Variants in FAM83F observed in about 807,000 individuals in gnomAD.
FAM83F encodes protein FAM83F.
A neutral mutation model predicts 42.9 loss-of-function variants in FAM83F; 45 were observed. The ratio of observed to expected loss-of-function variants is 1.05; its 90% CI spans 0.83 to 1.35. The LOEUF (loss-of-function observed/expected upper bound fraction) is 1.35, where lower values mean the gene tolerates loss of function less well. Ranked by LOEUF, FAM83F falls within the 40% of genes most tolerant of loss-of-function variation. The pLI, the probability that FAM83F is intolerant of heterozygous loss-of-function variation, is 0.00. For synonymous variants in FAM83F, 306 were observed against 298.3 expected, an observed-to-expected ratio of 1.03 and a Z score of -0.27; for missense variants, 617 against 695.9, an observed-to-expected ratio of 0.89 and a Z score of 1.28.
In FAM83F at chr22:39,995,222, C is replaced by T. The variant is rs1354697621; in HGVS notation, c.180C>T (p.Ser60=). 3 of 1,532,712 alleles carry T rather than the reference C, an allele frequency of 2.0e-6. No individual in the cohort carries two copies. The highest frequency in any genetic ancestry group is 2.6e-6 in the Non-Finnish European group (3 of 1,145,268). 94.9% of individuals were successfully genotyped at this position (1,532,712 alleles called of 1,614,324 possible). A position where few individuals can be genotyped will look rare whatever the true frequency, so the allele number is the denominator to read the frequency against. The part of the protein sequence containing the change: ...LKEEQLRDFL[S]SPERQALRAA... The stretch of plus-strand genomic sequence containing the variant: ...AGGAGCAGCTGCGGGACTTCCTCTC[C>T]AGCCCGGAGCGCCAGGCCCTGCGGG... Residue 60 remains serine, a synonymous_variant, in exon 1 of 5, where the codon TCC becomes TCT. Transcript: ENST00000333407. This position sits in a 1 kb window ranked among gnomAD's most constrained non-coding sequence, Gnocchi z 4.6.
At chr22:39,998,432 A>G (rs1164292070) in intron 1 of FAM83F, among the ~76,000 whole-genome samples, 2 of 151,944 alleles carry the variant, frequency 1.3e-5, no homozygotes, top group African/African-American at 2.4e-5. Flanking sequence ...TGCCGTGCCT[A>G]CAGTCACAGG....
At chr22:40,029,057 T>C (rs367600767) in intron 4 of FAM83F, among the ~76,000 whole-genome samples, 29 of 147,638 alleles carry the variant, frequency 2.0e-4, no homozygotes, top group African/African-American at 7.3e-4. Flanking sequence ...TACTAGCTGG[T>C]AGTGAGCGGC....
At chr22:40,016,353 C>G (rs112074473) in intron 1 of FAM83F, among the ~76,000 whole-genome samples, 9,696 of 152,062 alleles carry the variant, frequency 0.064, 1,017 homozygotes, top group African/African-American at 0.22. Context: ...CAGGCATGTG[C>G]CACCATGCCT....
At position 40,021,326 on chromosome 22, in the gene FAM83F, C is replaced by T. The variant is rs1443005145; in HGVS notation, c.816C>T (p.Leu272=). ...TWSSSHVDRN[L]LLLLTGQNVE... is the part of the protein sequence containing the mutation. ...GTTCCTCCCATGTGGACAGAAACCT[C>T]CTCCTGCTCCTGACAGGACAGAACG... The change falls in exon 4 of 5, where the codon CTC becomes CTT. Residue 272 remains leucine, a synonymous_variant. Transcript: ENST00000333407. This position sits in a 1 kb window ranked among gnomAD's most constrained non-coding sequence, Gnocchi z 8.7. 1.3e-6 allele frequency: 2 copies of T among 1,568,656 alleles called. No homozygotes were observed. The highest frequency in any genetic ancestry group is 4.5e-5 in the East Asian group (2 of 44,132).
intron 1 of FAM83F, among the ~76,000 whole-genome samples, chr22:40,015,286 T>C (rs2067487377): frequency 6.6e-6 from 1 of 152,206 alleles, no homozygotes; most frequent in Non-Finnish European, 1.5e-5. Context: ...TTTCTTCTAC[T>C]AAGGCCTTCA....
At chr22:39,997,838 C>CA (rs2067379189) in intron 1 of FAM83F, 1 of 152,250 alleles carries the variant, frequency 6.6e-6, no homozygotes, top group Admixed American at 6.5e-5. Flanking sequence ...TGTCTGCGCC[C>CA]ACCCAAGTAT....
At chr22:40,012,699 G>A (rs1288809167) in intron 1 of FAM83F, among the ~76,000 whole-genome samples, 1 of 151,550 alleles carries the variant, frequency 6.6e-6, no homozygotes, top group East Asian at 2.0e-4. Context: ...GAACCTGGGA[G>A]TCAGAGGTTG....
chr22:40,020,081 C>G lies in FAM83F; in HGVS notation c.779+73C>G, dbSNP rs7285869. On this transcript the variant is annotated intron_variant, in intron 3 of 4. Coordinates refer to ENST00000333407, the MANE Select transcript of FAM83F (RefSeq NM_138435.4). ...GTAGGTGTTCAGGAAGATGCCAGAC[C>G]GGAGCCTCCGTCATCATGAGTGTGT... is the stretch of plus-strand genomic sequence containing the variant. 54 of 1,536,952 alleles carry G rather than the reference C, an allele frequency of 3.5e-5. 1 individual carries two copies. In the South Asian group the frequency reaches 6.0e-4, roughly 17 times the overall value.
intron 1 of FAM83F, among the ~76,000 whole-genome samples, chr22:40,006,834 G>C (rs1334774910): frequency 1.3e-5 from 2 of 152,158 alleles, no homozygotes; most frequent in African/African-American, 4.8e-5. Flanking sequence ...TCTGCCAAGA[G>C]GGGAACAGTC....
rs1481632402 is a variant in FAM83F, at chr22:40,039,330, C to T, written c.*9765C>T. The T allele has an allele frequency of 6.6e-6, 1 of 152,148 alleles. No individual in the cohort carries two copies. The highest frequency in any genetic ancestry group is 1.5e-5 in the Non-Finnish European group (1 of 68,052). 9.4% of individuals were successfully genotyped at this position (152,148 alleles called of 1,614,324 possible). A position where few individuals can be genotyped will look rare whatever the true frequency, so the allele number is the denominator to read the frequency against. Reference sequence around the variant, plus strand: ...CCATTTTGGCCAGCCTGGTCTTGAACCTCTGACTTCCATGATCCACCTGCC... The same window carrying T: ...CCATTTTGGCCAGCCTGGTCTTGAATCTCTGACTTCCATGATCCACCTGCC... On this transcript the variant is annotated 3_prime_UTR_variant, in exon 5 of 5. Transcript: ENST00000333407.
intron 1 of FAM83F, among the ~76,000 whole-genome samples, chr22:40,003,642 G>A (rs1440906375): frequency 3.9e-5 from 6 of 152,012 alleles, no homozygotes; most frequent in East Asian, 1.9e-4. Context: ...ATGACCAGCC[G>A]GCCTCAGCTG....
chr22:40,027,448 G>A (rs896820692), intron 4 of FAM83F, among the ~76,000 whole-genome samples: 2 of 152,124 alleles, frequency 1.3e-5, no homozygotes, highest in African/African-American at 4.8e-5. Context: ...CCGCTGAGCG[G>A]CCCCTCCTCC....
rs2067656063 is a variant in FAM83F at position 40,042,502 on chromosome 22, C to T, written c.*12937C>T. 6.6e-6 allele frequency: 1 copy of T among 152,226 alleles called. No homozygotes were observed. The highest frequency in any genetic ancestry group is 1.5e-5 in the Non-Finnish European group (1 of 68,056). 9.4% of individuals were successfully genotyped at this position (152,226 alleles called of 1,614,324 possible). A position where few individuals can be genotyped will look rare whatever the true frequency, so the allele number is the denominator to read the frequency against. On this transcript the variant is annotated 3_prime_UTR_variant, in exon 5 of 5. Coordinates refer to ENST00000333407, the MANE Select transcript of FAM83F (RefSeq NM_138435.4). The stretch of plus-strand genomic sequence containing the variant: ...TTCCAGGAAGCCATTTCTGTCCCTC[C>T]CGAGATGGAGTCCCATGTCCCTACC...
chr22:40,019,985 C>T lies in FAM83F; in HGVS notation c.756C>T (p.Asp252=), dbSNP rs539779212. The T allele has an allele frequency of 1.9e-6, 3 of 1,613,300 alleles. No homozygotes were observed. The South Asian group carries it at 3.3e-5, about 18-fold the overall frequency. The change falls in exon 3 of 5, where the codon GAC becomes GAT. Residue 252 remains aspartate (D), a synonymous_variant. Transcript: ENST00000333407. ...CAAGGTTCCTGATGGTGGACGGTGA[C>T]AAAGTGGCCACTGGATCTTACAGGT... is the stretch of plus-strand genomic sequence containing the variant. ...LSSRFLMVDG[D]KVATGSYRFT...
intron 1 of FAM83F, among the ~76,000 whole-genome samples, chr22:40,015,370 A>G (rs981144118): frequency 6.6e-6 from 1 of 152,068 alleles, no homozygotes; most frequent in Non-Finnish European, 1.5e-5. Context: ...TTAAATGTTA[A>G]CCTCATCCAA....
chr22:40,016,497 C>A (rs912921986), intron 1 of FAM83F, among the ~76,000 whole-genome samples: 4 of 151,988 alleles, frequency 2.6e-5, no homozygotes, highest in Admixed American at 1.3e-4. Flanking sequence ...CTGTGCCCAG[C>A]CTACCTTGTT....
Position 40,021,948 on chromosome 22 carries a change from A to C in FAM83F, c.1438A>C (p.Ser480Arg). Residue 480 changes from serine (S) to arginine (R), a missense_variant, in exon 4 of 5, where the codon AGT (serine) becomes CGT (arginine). By Grantham distance (110) the Ser-to-Arg change is moderately radical (BLOSUM62 -1). Coordinates refer to ENST00000333407, the MANE Select transcript of FAM83F (RefSeq NM_138435.4). This position sits in a 1 kb window ranked among gnomAD's most constrained non-coding sequence, Gnocchi z 8.7. ...LTGKRPNENS[S>R]ADISGKTSPS... ...GGGGAAGAGGCCCAACGAGAATTCC[A>C]GTGCTGACATCTCAGGTGAGCCCTC... 1 of 1,561,376 alleles carries C rather than the reference A, an allele frequency of 6.4e-7. No homozygotes were observed. Among genetic ancestry groups the C allele is most frequent in the Non-Finnish European group, 8.7e-7 (1 of 1,153,108 alleles).
At chr22:40,016,547 G>C (rs7284488) in intron 1 of FAM83F, among the ~76,000 whole-genome samples, 94,717 of 152,000 alleles carry the variant, frequency 0.62, 31,282 homozygotes, top group African/African-American at 0.82. Context: ...TACTTAGAGT[G>C]AGTCTAGAGG....
chr22:40,029,037 G>A (rs994292743), intron 4 of FAM83F, among the ~76,000 whole-genome samples: 4 of 151,976 alleles, frequency 2.6e-5, no homozygotes, highest in African/African-American at 7.3e-5. Flanking sequence ...GCAGGCGGTG[G>A]AGCTGCATGT....
Sources: gnomAD v4.1 joint callset for allele counts (sites outside exome capture counted in the v4.1 genomes callset) on GRCh38, gnomAD v4.1.1 for gene constraint, Gnocchi (gnomAD v3.1) non-coding constraint, MANE v1.5 for transcripts, NCBI Gene and HGNC (gene_info 2026-07-23, HGNC 2026-07-21) for gene names.